Variants in ERCC6L2 observed in about 807,000 individuals in gnomAD.
ERCC6L2 encodes the protein ERCC excision repair 6 like 2.
ERCC6L2 carries 77 observed loss-of-function variants against 132.0 expected under a neutral mutation model. The observed-to-expected ratio is 0.58, with a 90% CI of 0.49 to 0.71. The LOEUF (loss-of-function observed/expected upper bound fraction) is 0.71. ERCC6L2 is among the 30% of genes least tolerant of loss of function. The pLI is 0.00. For missense variants in ERCC6L2, 1,542 were observed against 1,837.6 expected, an observed-to-expected ratio of 0.84 and a Z score of 2.94; for synonymous variants, 583 against 632.4, an observed-to-expected ratio of 0.92 and a Z score of 1.17.
chr9:95,939,432 G>A (rs1830700442), intron 11 of ERCC6L2, among the ~76,000 whole-genome samples: 1 of 151,976 alleles, frequency 6.6e-6, no homozygotes, highest in African/African-American at 2.4e-5. Context: ...AGAATTCTGG[G>A]TTGACAGTTC....
At chr9:96,033,231 A>G (rs1414332664) in intron 19 of ERCC6L2, among the ~76,000 whole-genome samples, 1 of 149,366 alleles carries the variant, frequency 6.7e-6, no homozygotes, top group African/African-American at 2.5e-5. Flanking sequence ...ATTGCAGGAA[A>G]CCATAAATGA....
chr9:96,029,026 T>C (rs972930220), intron 19 of ERCC6L2, among the ~76,000 whole-genome samples: 4 of 151,976 alleles, frequency 2.6e-5, no homozygotes, highest in Admixed American at 6.6e-5. Context: ...GATGGGGGAC[T>C]GGGCGCGGTG....
intron 3 of ERCC6L2, among the ~76,000 whole-genome samples, chr9:95,899,659 TATC>T (rs1321636224): frequency 6.7e-6 from 1 of 150,274 alleles, no homozygotes; most frequent in Non-Finnish European, 1.5e-5. Flanking sequence ...CGATGTATCA[TATC>T]ACACACACAC....
intron 12 of ERCC6L2, among the ~76,000 whole-genome samples, chr9:95,949,610 T>C (rs1372921244): frequency 6.6e-6 from 1 of 152,196 alleles, no homozygotes; most frequent in African/African-American, 2.4e-5. Context: ...AAAAAGTGTT[T>C]ACCGAGAATT....
intron 20 of ERCC6L2, among the ~76,000 whole-genome samples, chr9:96,040,951 C>G (rs756700520): frequency 3.3e-5 from 5 of 152,212 alleles, no homozygotes; most frequent in Non-Finnish European, 7.3e-5. Flanking sequence ...TGCTAATGGG[C>G]CCCCTCTGCA....
At chr9:95,894,317 CTG>C (rs1192011948) in intron 2 of ERCC6L2, among the ~76,000 whole-genome samples, 1 of 152,094 alleles carries the variant, frequency 6.6e-6, no homozygotes, top group Non-Finnish European at 1.5e-5. Context: ...TGGGGACTGT[CTG>C]TAATATTCAT....
intron 13 of ERCC6L2, among the ~76,000 whole-genome samples, chr9:95,961,519 G>A (rs1587983482): frequency 6.6e-6 from 1 of 152,150 alleles, no homozygotes; most frequent in Non-Finnish European, 1.5e-5. Flanking sequence ...CATCCAATTT[G>A]TAGTACTTTG....
chr9:95,876,118 C>T (rs1356872091), intron 1 of ERCC6L2, 34 bp downstream of exon 1: 3 of 1,538,448 alleles, frequency 2.0e-6, no homozygotes, highest in East Asian at 2.4e-5. Context: ...TACGCAGAGG[C>T]CTGTGTACTG....
chr9:95,928,936 A>G, intron 11 of ERCC6L2, 72 bp downstream of exon 11: 1 of 1,171,180 alleles, frequency 8.5e-7, no homozygotes, highest in Non-Finnish European at 1.2e-6. Context: ...TTTTAAAACT[A>G]TTACTGGATT....
intron 11 of ERCC6L2, among the ~76,000 whole-genome samples, chr9:95,933,757 T>C (rs1490012571): frequency 6.7e-6 from 1 of 150,360 alleles, no homozygotes; most frequent in Non-Finnish European, 1.5e-5. Flanking sequence ...GACGGGAGAA[T>C]TGTTTGAACC....
At chr9:95,900,207 C>A (rs138912893) in intron 3 of ERCC6L2, among the ~76,000 whole-genome samples, 2 of 151,946 alleles carry the variant, frequency 1.3e-5, no homozygotes, top group East Asian at 3.9e-4. Flanking sequence ...TAAGAATACC[C>A]TGTCTTTACA....
chr9:95,963,513 A>G (rs367843535), intron 13 of ERCC6L2, among the ~76,000 whole-genome samples: 3 of 152,044 alleles, frequency 2.0e-5, no homozygotes, highest in African/African-American at 4.8e-5. Flanking sequence ...CGGTTCTACA[A>G]CTCGCTTTCC....
intron 19 of ERCC6L2, among the ~76,000 whole-genome samples, chr9:96,029,178 A>C (rs1199416019): frequency 1.1e-4 from 16 of 151,724 alleles, no homozygotes; most frequent in South Asian, 6.3e-4. Flanking sequence ...GTGGCACGTG[A>C]CTGTAATCCC....
In ERCC6L2 at chr9:96,012,731, G is replaced by C. The variant is rs187246898; in HGVS notation, c.4181G>C (p.Arg1394Thr). ...SLNSESETRE[R>T]RLENTMKDQQ... ...AACAGTGAGTCTGAAACACGTGAGA[G>C]AAGGTTAGAAAATACCATGAAAGAC... The change falls in exon 19 of 19, where the codon AGA becomes ACA. Residue 1394 changes from arginine to threonine, a missense_variant. By Grantham distance (71) the Arg-to-Thr change is moderately conservative. This residue lies in a region of ERCC6L2 where 442 missense variants were observed against 583.4 expected (regional missense o/e 0.76). Coordinates refer to ENST00000653738, the MANE Select transcript of ERCC6L2 (RefSeq NM_020207.7). The C allele has an allele frequency of 1.6e-5, 22 of 1,367,564 alleles. No individual in the cohort carries two copies. The East Asian group carries it at 1.0e-3, about 62-fold the overall frequency. The allele number at this position is 1,367,564 out of a possible 1,614,324, so 84.7% of individuals were successfully genotyped here.
chr9:96,031,442 C>T (rs999199633), intron 19 of ERCC6L2, among the ~76,000 whole-genome samples: 1 of 152,186 alleles, frequency 6.6e-6, no homozygotes, highest in Non-Finnish European at 1.5e-5. Context: ...CCAAAATAAC[C>T]AACATGATGT....
At chr9:95,891,993 T>C (rs1264728558) in intron 2 of ERCC6L2, among the ~76,000 whole-genome samples, 1 of 152,194 alleles carries the variant, frequency 6.6e-6, no homozygotes, top group South Asian at 2.1e-4. Context: ...TCTATAGTTG[T>C]CTTTTTATTT....
chr9:95,979,302 G>A (rs1427791552), intron 17 of ERCC6L2, among the ~76,000 whole-genome samples: 1 of 152,178 alleles, frequency 6.6e-6, no homozygotes, highest in Non-Finnish European at 1.5e-5. Context: ...ATTCCAAATG[G>A]CTATCCTGGA....
chr9:95,972,562 A>T lies in ERCC6L2; in HGVS notation c.2811A>T (p.Val937=). 1 of 1,289,618 alleles carries T rather than the reference A, an allele frequency of 7.8e-7. No individual in the cohort carries two copies. Among genetic ancestry groups the T allele is most frequent in the Non-Finnish European group, 1.0e-6 (1 of 988,792 alleles). The allele number at this position is 1,289,618 out of a possible 1,614,324, so 79.9% of individuals were successfully genotyped here. A position where few individuals can be genotyped will look rare whatever the true frequency, so the allele number is the denominator to read the frequency against. The change falls in exon 16 of 19, where the codon GTA becomes GTT. Residue 937 remains valine, a synonymous_variant. Transcript: ENST00000653738. ...GSEDSETEHT[V]KTRNNDNSRN... ...AGGATTCTGAAACAGAACACACTGT[A>T]AAAACAAGAAATAATGATAATAGTC...
At chr9:95,943,143 T>C (rs1830883430) in intron 12 of ERCC6L2, among the ~76,000 whole-genome samples, 1 of 151,976 alleles carries the variant, frequency 6.6e-6, no homozygotes, top group Non-Finnish European at 1.5e-5. Context: ...TTACTGGGAG[T>C]GTGGCTGATA....
Sources: gnomAD v4.1 joint callset for allele counts (sites outside exome capture counted in the v4.1 genomes callset) on GRCh38, gnomAD v4.1.1 for gene constraint, gnomAD v4.1.1 regional missense constraint, MANE v1.5 for transcripts, NCBI Gene and HGNC (gene_info 2026-07-23, HGNC 2026-07-21) for gene names.